Variants in KCNH1 observed in about 807,000 individuals in gnomAD.
KCNH1 encodes the protein voltage-gated delayed rectifier potassium channel KCNH1.
In KCNH1, 27 loss-of-function variants were observed where a neutral mutation model predicts 69.2. That is an observed-to-expected ratio of 0.39 (90% CI 0.29 to 0.54). KCNH1 has a LOEUF of 0.54. Ranked by LOEUF, KCNH1 falls within the 20% of genes least tolerant of loss-of-function variation. The probability of loss-of-function intolerance (pLI) is 0.68; values close to 1 mark genes in which losing one functional copy is unlikely to be tolerated. For synonymous variants in KCNH1, 456 were observed against 487.7 expected (o/e 0.93, Z 0.86); for missense variants, 798 against 1,261.6 (o/e 0.63, Z 5.57).
intron 6 of KCNH1, among the ~76,000 whole-genome samples, chr1:211,003,214 T>C (rs990444349): frequency 2.0e-5 from 3 of 151,192 alleles, no homozygotes; most frequent in Non-Finnish European, 1.5e-5. Flanking sequence ...ATAAACCCCA[T>C]GTGCTCCTCT....
At chr1:210,835,337 T>C (rs1213641587) in intron 7 of KCNH1, among the ~76,000 whole-genome samples, 1 of 152,204 alleles carries the variant, frequency 6.6e-6, no homozygotes, top group Non-Finnish European at 1.5e-5. Flanking sequence ...ATTAAATATG[T>C]TCATGTGTGC....
chr1:210,888,397 A>T (rs1686668168), intron 7 of KCNH1, among the ~76,000 whole-genome samples: 1 of 152,222 alleles, frequency 6.6e-6, no homozygotes, highest in African/African-American at 2.4e-5. Flanking sequence ...TCTCTGAGAC[A>T]CAGCTAAAGC....
At chr1:211,054,305 T>G (rs566348283) in intron 5 of KCNH1, among the ~76,000 whole-genome samples, 3 of 151,714 alleles carry the variant, frequency 2.0e-5, no homozygotes, top group Non-Finnish European at 2.9e-5. Context: ...AAAATTAAAA[T>G]TAAACAAAAA....
chr1:210,714,232 C>T (rs1354611702), intron 10 of KCNH1, among the ~76,000 whole-genome samples: 1 of 152,174 alleles, frequency 6.6e-6, no homozygotes, highest in African/African-American at 2.4e-5. Context: ...GATTACCAAA[C>T]CCCTCCAAAC....
In KCNH1 at chr1:210,690,182, C is replaced by T. The variant is rs952851012; in HGVS notation, c.2113-6044G>A. 3.3e-5 allele frequency among the ~76,000 whole-genome samples: 5 copies of T among 152,174 alleles called. No homozygotes were observed. The East Asian group carries it at 9.7e-4, about 29-fold the overall frequency. On this transcript the variant is annotated intron_variant, in intron 10 of 10. Coordinates refer to ENST00000271751, the MANE Select transcript of KCNH1 (RefSeq NM_172362.3). ...GCGCAGGCCCTGCAACCACCTTTAA[C>T]TCTTTCTTTCTTAGATCTGACAAAA...
intron 1 of KCNH1, among the ~76,000 whole-genome samples, chr1:211,123,854 A>G (rs1156764279): frequency 2.0e-5 from 3 of 152,134 alleles, no homozygotes; most frequent in African/African-American, 4.8e-5. Flanking sequence ...AGGGAGATAC[A>G]AAAAGAGAAG....
chr1:210,810,302 C>G (rs1684676465), intron 7 of KCNH1, among the ~76,000 whole-genome samples: 1 of 152,114 alleles, frequency 6.6e-6, no homozygotes, highest in Non-Finnish European at 1.5e-5. Flanking sequence ...CATATTATAA[C>G]CTGTATTTTT....
At chr1:210,761,504 C>A (rs192163640) in intron 10 of KCNH1, among the ~76,000 whole-genome samples, 5 of 152,068 alleles carry the variant, frequency 3.3e-5, no homozygotes, top group Non-Finnish European at 7.4e-5. Flanking sequence ...AGACCCATCT[C>A]ACATGTAATG....
chr1:210,775,493 T>G lies in KCNH1; in HGVS notation c.1967A>C (p.Gln656Pro). ...CAAGGCCCTAACATTGGCACAGGAC[T>G]GGGCAAGGGTGGCTTCCTTCCAGAA... The part of the protein sequence containing the change: ...DVFWKEATLA[Q>P]SCANVRALTY... The change falls in exon 10 of 11, where the codon CAG becomes CCG. Residue 656 changes from glutamine (Q) to proline (P), a missense_variant. Gln to Pro is a moderately conservative substitution (Grantham distance 76). Transcript: ENST00000271751. The G allele has an allele frequency of 1.9e-6, 3 of 1,614,040 alleles. No homozygotes were observed. The highest frequency in any genetic ancestry group is 2.2e-5 in the South Asian group (2 of 91,082).
At chr1:211,043,542 A>G (rs935898389) in intron 5 of KCNH1, among the ~76,000 whole-genome samples, 3 of 152,202 alleles carry the variant, frequency 2.0e-5, no homozygotes, top group Admixed American at 1.3e-4. Flanking sequence ...TCCTCTTGAC[A>G]CTATTCCACA....
At chr1:210,703,900 T>G (rs772575880) in intron 10 of KCNH1, among the ~76,000 whole-genome samples, 3 of 152,178 alleles carry the variant, frequency 2.0e-5, no homozygotes, top group Non-Finnish European at 4.4e-5. Context: ...AAGGAACAGC[T>G]AGAATTCAGG....
intron 7 of KCNH1, among the ~76,000 whole-genome samples, chr1:210,847,471 A>G (rs867896787): frequency 6.6e-6 from 1 of 152,036 alleles, no homozygotes; most frequent in Non-Finnish European, 1.5e-5. Context: ...TCAGCAAACT[A>G]TCACAAGGAC....
At chr1:211,108,687 A>G (rs1407178880) in intron 1 of KCNH1, 4 of 152,256 alleles carry the variant, frequency 2.6e-5, no homozygotes, top group Admixed American at 2.6e-4. Flanking sequence ...AGGGAGGAGG[A>G]ATTACTAAAT....
chr1:210,899,924 A>G (rs1033694117), intron 7 of KCNH1, among the ~76,000 whole-genome samples: 3 of 152,188 alleles, frequency 2.0e-5, no homozygotes, highest in Non-Finnish European at 4.4e-5. Flanking sequence ...AAAGGTACAT[A>G]TTAAAGTCAG....
rs181734045 is a variant in KCNH1, at chr1:210,686,686, G to C, written c.2113-2548C>G. Among the ~76,000 whole-genome samples, 51 of 152,310 alleles carry C rather than the reference G, an allele frequency of 3.3e-4. No individual in the cohort carries two copies. The East Asian group carries it at 9.5e-3, about 28-fold the overall frequency. ...TCTTTTCCTGCCCTTTATATCTGCA[G>C]GATATCTGATTCCTAACACTATCCC... On this transcript the variant is annotated intron_variant, in intron 10 of 10. Coordinates refer to ENST00000271751, the MANE Select transcript of KCNH1 (RefSeq NM_172362.3).
intron 10 of KCNH1, among the ~76,000 whole-genome samples, chr1:210,744,536 C>T (rs1317628880): frequency 6.6e-6 from 1 of 151,968 alleles, no homozygotes; most frequent in Admixed American, 6.6e-5. Context: ...CCCAGCTACT[C>T]AGGAGGCTGA....
intron 7 of KCNH1, among the ~76,000 whole-genome samples, chr1:210,902,901 C>A (rs1466208619): frequency 6.6e-6 from 1 of 152,210 alleles, no homozygotes; most frequent in Non-Finnish European, 1.5e-5. Flanking sequence ...AAATAATATT[C>A]CTTGCTTAAA....
chr1:211,103,514 G>A lies in KCNH1; in HGVS notation c.292C>T (p.Leu98=). The change falls in exon 3 of 11, where the codon CTG becomes TTG. Residue 98 remains leucine, a synonymous_variant. Transcript: ENST00000271751. The part of the protein sequence containing the change: ...ENYEMNSFEI[L]MYKKNRTPVW... ...TACTCACTGTTCTTCTTGTACATCAGAATTTCAAAGGAATTCATCTCATAG... is the reference window on the plus strand; with the variant it reads ...TACTCACTGTTCTTCTTGTACATCAAAATTTCAAAGGAATTCATCTCATAG... 1.2e-6 allele frequency: 2 copies of A among 1,610,230 alleles called. No homozygotes were observed. Among genetic ancestry groups the A allele is most frequent in the Non-Finnish European group, 1.7e-6 (2 of 1,177,148 alleles).
chr1:211,062,952 G>C (rs187676554), intron 5 of KCNH1, among the ~76,000 whole-genome samples: 3 of 152,286 alleles, frequency 2.0e-5, no homozygotes, highest in Non-Finnish European at 4.4e-5. Context: ...AATCCCACCT[G>C]CTAGGTATAT....
Sources: gnomAD v4.1 joint callset for allele counts (sites outside exome capture counted in the v4.1 genomes callset) on GRCh38, gnomAD v4.1.1 for gene constraint, MANE v1.5 for transcripts, NCBI Gene and HGNC (gene_info 2026-07-23, HGNC 2026-07-21) for gene names.